The following CADM1 variants were observed in gnomAD, a reference collection of about 807,000 sequenced individuals.
The protein encoded by CADM1 is cell adhesion molecule 1.
In CADM1, 15 loss-of-function variants were observed where a neutral mutation model predicts 53.1. The observed-to-expected ratio is 0.28, with a 90% CI of 0.19 to 0.44. The LOEUF (loss-of-function observed/expected upper bound fraction) is 0.44. Among genes scored for constraint, CADM1 ranks in the 20% least tolerant of loss-of-function variants. The probability of loss-of-function intolerance (pLI) is 1.00; values close to 1 mark genes in which losing one functional copy is unlikely to be tolerated. For missense variants in CADM1, 434 were observed against 611.3 expected, an observed-to-expected ratio of 0.71 and a Z score of 3.06; for synonymous variants, 281 against 243.0, an observed-to-expected ratio of 1.16 and a Z score of -1.45.
At chr11:115,189,256 C>G (rs915833562) in intron 10 of CADM1, among the ~76,000 whole-genome samples, 14 of 152,140 alleles carry the variant, frequency 9.2e-5, no homozygotes, top group African/African-American at 1.4e-4. Context: ...TGGCGCAGTG[C>G]TGAGGCCCAG....
At chr11:115,297,529 T>A (rs1944111075) in intron 1 of CADM1, among the ~76,000 whole-genome samples, 1 of 152,198 alleles carries the variant, frequency 6.6e-6, no homozygotes, top group African/African-American at 2.4e-5. Context: ...CGCTTGGCAT[T>A]TTTTCCTGTT....
At position 115,252,543 on chromosome 11, in the gene CADM1, T is replaced by A. The variant is rs374041795; in HGVS notation, c.125-12123A>T. On this transcript the variant is annotated intron_variant, in intron 1 of 11. Coordinates refer to ENST00000331581, the MANE Select transcript of CADM1 (RefSeq NM_001301043.2). ...TTAAAAACCACAAGTATGAAACATA[T>A]AAGGTAAATAGCAGATGAGGGCAGA... Among the ~76,000 whole-genome samples the A allele has an allele frequency of 2.6e-4, 40 of 152,274 alleles. 1 individual carries two copies. In the Middle Eastern group the frequency reaches 0.014, roughly 52 times the overall value.
intron 10 of CADM1, among the ~76,000 whole-genome samples, chr11:115,187,957 G>T (rs4590908): frequency 0.99 from 150,476 of 152,252 alleles, 74,390 homozygotes; most frequent in East Asian, 1. Flanking sequence ...CTGATAACAT[G>T]TTTTGAGGAA....
At chr11:115,289,664 C>T (rs1468492966) in intron 1 of CADM1, among the ~76,000 whole-genome samples, 2 of 148,668 alleles carry the variant, frequency 1.3e-5, no homozygotes, top group East Asian at 2.0e-4. Context: ...GGCGCGATCT[C>T]CGCTCACTGC....
At chr11:115,495,511 C>A (rs938708401) in intron 1 of CADM1, among the ~76,000 whole-genome samples, 1 of 152,144 alleles carries the variant, frequency 6.6e-6, no homozygotes, top group Non-Finnish European at 1.5e-5. Context: ...TTGAAAAGAT[C>A]CTTACGATAA....
At chr11:115,437,115 T>C (rs989730372) in intron 1 of CADM1, among the ~76,000 whole-genome samples, 1 of 152,174 alleles carries the variant, frequency 6.6e-6, no homozygotes, top group African/African-American at 2.4e-5. Flanking sequence ...AGTAATAAGT[T>C]CTAAGAGAAC....
chr11:115,214,075 A>T (rs1005439845), intron 7 of CADM1, among the ~76,000 whole-genome samples: 3 of 152,204 alleles, frequency 2.0e-5, no homozygotes, highest in East Asian at 1.9e-4. Flanking sequence ...CACATTTTTT[A>T]AAAAAGCTTT....
intron 1 of CADM1, among the ~76,000 whole-genome samples, chr11:115,408,558 A>C (rs1456894735): frequency 6.6e-6 from 1 of 152,210 alleles, no homozygotes; most frequent in Non-Finnish European, 1.5e-5. Context: ...CATAGGAAGG[A>C]TATGCCCCCA....
At chr11:115,275,592 ATTCTACTC>A (rs1655077874) in intron 1 of CADM1, among the ~76,000 whole-genome samples, 1 of 152,226 alleles carries the variant, frequency 6.6e-6, no homozygotes, top group Non-Finnish European at 1.5e-5. Context: ...TGGCTCTTTA[ATTCTACTC>A]TTGTATTTTG....
intron 1 of CADM1, among the ~76,000 whole-genome samples, chr11:115,417,935 T>G (rs1565417187): frequency 6.6e-6 from 1 of 152,172 alleles, no homozygotes; most frequent in Non-Finnish European, 1.5e-5. Context: ...GATGCATTTA[T>G]CCTTATTATA....
At position 115,452,971 on chromosome 11, in the gene CADM1, G is replaced by T. The variant is rs568533754; in HGVS notation, c.124+51300C>A. Among the ~76,000 whole-genome samples the T allele has an allele frequency of 2.6e-5, 4 of 152,242 alleles. No individual in the cohort carries two copies. In the South Asian group the frequency reaches 8.3e-4, roughly 32 times the overall value. ...AAAGCCAAACCTATAAGCATGTAAT[G>T]CTTTGCAGTATAAATATATATAATT... is the stretch of plus-strand genomic sequence containing the variant. On this transcript the variant is annotated intron_variant, in intron 1 of 11. Transcript: ENST00000331581.
chr11:115,339,042 C>T (rs1476289834), intron 1 of CADM1, among the ~76,000 whole-genome samples: 40 of 106,772 alleles, frequency 3.7e-4, no homozygotes, highest in African/African-American at 1.3e-3. Flanking sequence ...CTATCCCTCC[C>T]CCCTCCCCCG....
At chr11:115,219,485 C>T (rs1370526606) in intron 5 of CADM1, among the ~76,000 whole-genome samples, 1 of 152,188 alleles carries the variant, frequency 6.6e-6, no homozygotes, top group Non-Finnish European at 1.5e-5. Flanking sequence ...GAAGCTAAGT[C>T]TCTTGCCAGA....
At chr11:115,252,565 C>T (rs1426665077) in intron 1 of CADM1, among the ~76,000 whole-genome samples, 1 of 152,088 alleles carries the variant, frequency 6.6e-6, no homozygotes, top group Non-Finnish European at 1.5e-5. Context: ...CAGATGAGGG[C>T]AGAGGACCAG....
Position 115,355,162 on chromosome 11 carries a change from T to C in CADM1, c.125-114742A>G, listed in dbSNP as rs149588093. 1.1e-3 allele frequency among the ~76,000 whole-genome samples: 164 copies of C among 152,336 alleles called. 3 individuals carry two copies. In the East Asian group the frequency reaches 0.028, roughly 26 times the overall value. On this transcript the variant is annotated intron_variant, in intron 1 of 11. Coordinates refer to ENST00000331581, the MANE Select transcript of CADM1 (RefSeq NM_001301043.2). ...AATCAAGTTCTCATGCACGCATATG[T>C]TCACTGCAGCGTTATTCACAATAAT...
At chr11:115,454,839 G>A (rs567156684) in intron 1 of CADM1, among the ~76,000 whole-genome samples, 3 of 152,276 alleles carry the variant, frequency 2.0e-5, no homozygotes, top group East Asian at 3.9e-4. Context: ...GATGTGCCTC[G>A]TACAGGAGCT....
chr11:115,205,325 T>C (rs1032314834), intron 8 of CADM1, among the ~76,000 whole-genome samples: 2 of 152,166 alleles, frequency 1.3e-5, no homozygotes, highest in African/African-American at 2.4e-5. Context: ...AGGAAAAAGT[T>C]TGATCCAACT....
chr11:115,480,772 T>A (rs550165443), intron 1 of CADM1, among the ~76,000 whole-genome samples: 1 of 152,246 alleles, frequency 6.6e-6, no homozygotes, highest in Non-Finnish European at 1.5e-5. Flanking sequence ...ATCAACAGGT[T>A]TAGCATGGGA....
At chr11:115,350,031 G>T (rs1039925377) in intron 1 of CADM1, among the ~76,000 whole-genome samples, 1 of 152,144 alleles carries the variant, frequency 6.6e-6, no homozygotes, top group Non-Finnish European at 1.5e-5. Flanking sequence ...GAGTGCAGTG[G>T]CATGATCTTG....
Sources: allele counts gnomAD v4.1 joint callset (sites outside exome capture counted in the v4.1 genomes callset), GRCh38; gene constraint gnomAD v4.1.1; transcripts MANE v1.5; gene names NCBI Gene and HGNC (gene_info 2026-07-23, HGNC 2026-07-21).